Variants in CD99L2 observed in about 807,000 individuals in gnomAD.
CD99L2 encodes CD99 antigen-like protein 2.
CD99L2 carries 24 observed loss-of-function variants against 27.3 expected under a neutral mutation model. The observed-to-expected ratio is 0.88, with a 90% CI of 0.64 to 1.24. The LOEUF is 1.24. Among genes scored for constraint, CD99L2 ranks in the 50% most tolerant of loss-of-function variants. CD99L2 has a pLI of 0.00. For synonymous variants in CD99L2, 97 were observed against 87.9 expected, an observed-to-expected ratio of 1.10 and a Z score of -0.58; for missense variants, 255 against 221.6, an observed-to-expected ratio of 1.15 and a Z score of -0.96.
In CD99L2 at chrX:150,824,642, GAA is replaced by G. The variant is rs1557420854; in HGVS notation, c.130+6587_130+6588del. 2.6e-3 allele frequency among the ~76,000 whole-genome samples: 184 copies of G among 69,576 alleles called. 1 individual carries two copies. The highest frequency in any genetic ancestry group is 0.013 in the African/African-American group (169 of 12,680). 60.4% of individuals were successfully genotyped at this position (69,576 alleles called of 115,157 possible). ...AGAAGAAGGAGGAGAAGAAGGAGGA[GAA>G]GAAGAAGAAGAAGAAGAAGAAGAGG... On this transcript the variant is annotated intron_variant, in intron 2 of 10. Transcript: ENST00000370377.
chrX:150,828,890 C>G (rs1015428926), intron 2 of CD99L2: 1 of 111,506 alleles, frequency 9.0e-6, no homozygotes, highest in South Asian at 3.8e-4. Context: ...TCACAATGCA[C>G]TTAGGCACAA....
chrX:150,776,050 C>T, intron 9 of CD99L2, 124 bp downstream of exon 9: 1 of 936,499 alleles, frequency 1.1e-6, no homozygotes, highest in Non-Finnish European at 1.5e-6. Context: ...CACCCCCGTC[C>T]CAGGAAGTCT....
intron 1 of CD99L2, among the ~76,000 whole-genome samples, chrX:150,881,873 A>C (rs1603316848): frequency 9.7e-6 from 1 of 102,644 alleles, no homozygotes; most frequent in South Asian, 4.6e-4. Context: ...GCTGGAGTGC[A>C]ATGGCATGAT....
chrX:150,872,040 G>A lies in CD99L2; in HGVS notation c.67+26482C>T, dbSNP rs183553303. On this transcript the variant is annotated intron_variant, in intron 1 of 10. Transcript: ENST00000370377. ...GAGCCCAGGAGTTCAAGACAAGCCT[G>A]GGCAATGTAGGGAGACCCTGTCTCT... Among the ~76,000 whole-genome samples, 44 of 110,951 alleles carry A rather than the reference G, an allele frequency of 4.0e-4. 1 individual carries two copies. Among genetic ancestry groups the A allele is most frequent in the Non-Finnish European group, 7.4e-4 (39 of 52,965 alleles).
chrX:150,894,331 G>A (rs782033250), intron 1 of CD99L2, among the ~76,000 whole-genome samples: 5 of 111,761 alleles, frequency 4.5e-5, no homozygotes, highest in South Asian at 3.7e-4. Context: ...TGCTTTATAC[G>A]TTTCTACTCA....
Position 150,768,928 on chromosome X carries a change from C to T in CD99L2, c.*106G>A, listed in dbSNP as rs1290365476. The T allele has an allele frequency of 3.7e-5, 40 of 1,070,197 alleles. No homozygotes were observed. The highest frequency in any genetic ancestry group is 1.6e-4 in the Admixed American group (4 of 24,827). 88.2% of individuals were successfully genotyped at this position (1,070,197 alleles called of 1,213,427 possible). A position where few individuals can be genotyped will look rare whatever the true frequency, so the allele number is the denominator to read the frequency against. ...CGGGAAACTCAGACCAACAAGGAGC[C>T]GATGGCACAGAGCAGCACAGCAGCT... On this transcript the variant is annotated 3_prime_UTR_variant, in exon 11 of 11. Coordinates refer to ENST00000370377, the MANE Select transcript of CD99L2 (RefSeq NM_031462.4).
At chrX:150,840,485 C>T (rs1348664946) in intron 1 of CD99L2, among the ~76,000 whole-genome samples, 4 of 110,484 alleles carry the variant, frequency 3.6e-5, no homozygotes, top group African/African-American at 1.3e-4. Flanking sequence ...ATCATGGCTC[C>T]TGCAGCCTCA....
chrX:150,867,788 G>A (rs2047086851), intron 1 of CD99L2, among the ~76,000 whole-genome samples: 1 of 108,350 alleles, frequency 9.2e-6, no homozygotes, highest in African/African-American at 3.4e-5. Flanking sequence ...AGCTACTCGG[G>A]AGGCTGAGGC....
rs1373981328 is a variant in CD99L2, at chrX:150,875,736, C to A, written c.67+22786G>T. Among the ~76,000 whole-genome samples, 4 of 111,845 alleles carry A rather than the reference C, an allele frequency of 3.6e-5. No individual in the cohort carries two copies. The Admixed American group carries it at 3.8e-4, about 11-fold the overall frequency. On this transcript the variant is annotated intron_variant, in intron 1 of 10. Coordinates refer to ENST00000370377, the MANE Select transcript of CD99L2 (RefSeq NM_031462.4). Reference sequence around the variant, plus strand: ...ATCATTGGGGCAGGTCTTTTCTGTGCTGTTCTCATGATGGTGAGTAAGTCT... The same window carrying A: ...ATCATTGGGGCAGGTCTTTTCTGTGATGTTCTCATGATGGTGAGTAAGTCT...
intron 9 of CD99L2, chrX:150,771,859 A>G: frequency 8.7e-7 from 1 of 1,151,076 alleles, no homozygotes; most frequent in Non-Finnish European, 1.2e-6. Context: ...TCCCTGGAGT[A>G]AGAGCGCTCC....
chrX:150,777,771 T>C lies in CD99L2; in HGVS notation c.497-289A>G, dbSNP rs184270655. ...GGGCTCTTTAGACACAGTATTCTAT[T>C]TCACCTCTTTGCTACCAGTGGTGCA... is the stretch of plus-strand genomic sequence containing the variant. On this transcript the variant is annotated intron_variant, in intron 7 of 10. Transcript: ENST00000370377. 2.2e-3 allele frequency among the ~76,000 whole-genome samples: 251 copies of C among 112,025 alleles called. 1 individual carries two copies. Among genetic ancestry groups the C allele is most frequent in the African/African-American group, 7.9e-3 (244 of 30,832 alleles).
At chrX:150,797,743 T>C (rs1427367055) in intron 4 of CD99L2, among the ~76,000 whole-genome samples, 1 of 111,004 alleles carries the variant, frequency 9.0e-6, no homozygotes, top group East Asian at 2.9e-4. Flanking sequence ...CAATGAAATA[T>C]AATAGGAAGC....
In CD99L2 at chrX:150,844,554, C is replaced by T. The variant is rs782393145; in HGVS notation, c.68-13261G>A. On this transcript the variant is annotated intron_variant, in intron 1 of 10. Coordinates refer to ENST00000370377, the MANE Select transcript of CD99L2 (RefSeq NM_031462.4). ...CTTGTTACCTCAGTCTAGATTTGAA[C>T]ACATTTGTCTTGATGAATTTATGCT... Among the ~76,000 whole-genome samples, 3 of 112,043 alleles carry T rather than the reference C, an allele frequency of 2.7e-5. No individual in the cohort carries two copies. The South Asian group carries it at 1.1e-3, about 42-fold the overall frequency.
intron 1 of CD99L2, among the ~76,000 whole-genome samples, chrX:150,889,207 C>T (rs1188330261): frequency 8.9e-6 from 1 of 112,680 alleles, no homozygotes; most frequent in Non-Finnish European, 1.9e-5. Context: ...TGCCCCCACA[C>T]GGGTCCTGGC....
chrX:150,849,461 G>A (rs2046756511), intron 1 of CD99L2, among the ~76,000 whole-genome samples: 1 of 111,418 alleles, frequency 9.0e-6, no homozygotes, highest in Non-Finnish European at 1.9e-5. Flanking sequence ...TTGGGAGGCT[G>A]AGGCAGGAGG....
intron 1 of CD99L2, among the ~76,000 whole-genome samples, chrX:150,843,274 T>C (rs1461625232): frequency 8.9e-6 from 1 of 111,899 alleles, no homozygotes; most frequent in Admixed American, 9.5e-5. Context: ...AGTTTACAAT[T>C]TGGGGGGAAG....
At chrX:150,852,152 G>A (rs1341835034) in intron 1 of CD99L2, among the ~76,000 whole-genome samples, 1 of 112,106 alleles carries the variant, frequency 8.9e-6, no homozygotes, top group Non-Finnish European at 1.9e-5. Flanking sequence ...GTGCCAGGGT[G>A]GTGAACTTAC....
At chrX:150,849,131 G>A (rs781898193) in intron 1 of CD99L2, among the ~76,000 whole-genome samples, 2 of 111,690 alleles carry the variant, frequency 1.8e-5, no homozygotes, top group African/African-American at 6.5e-5. Flanking sequence ...GCAGACTGTG[G>A]CCTCTATCAA....
At chrX:150,887,130 T>G (rs2047423575) in intron 1 of CD99L2, among the ~76,000 whole-genome samples, 1 of 91,149 alleles carries the variant, frequency 1.1e-5, no homozygotes, top group Admixed American at 1.2e-4. Flanking sequence ...GGTGACAGAG[T>G]GAGACTCTGT....
Sources: allele counts gnomAD v4.1 joint callset (sites outside exome capture counted in the v4.1 genomes callset), GRCh38; gene constraint gnomAD v4.1.1; transcripts MANE v1.5; gene names NCBI Gene and HGNC (gene_info 2026-07-23, HGNC 2026-07-21).